The following TRIM6 variants were observed in gnomAD, a reference collection of about 807,000 sequenced individuals.
TRIM6 encodes the protein tripartite motif-containing protein 6.
TRIM6 carries 43 observed loss-of-function variants against 51.2 expected under a neutral mutation model. The observed-to-expected ratio is 0.84, with a 90% CI of 0.66 to 1.08. TRIM6 has a LOEUF of 1.08. TRIM6 is among the 50% of genes least tolerant of loss of function. The probability of loss-of-function intolerance (pLI) is 0.00; values close to 1 mark genes in which losing one functional copy is unlikely to be tolerated. For synonymous variants in TRIM6, 215 were observed against 232.4 expected, an observed-to-expected ratio of 0.93 and a Z score of 0.68; for missense variants, 669 against 619.0, an observed-to-expected ratio of 1.08 and a Z score of -0.86.
At chr11:5,601,326 T>G (rs1315468419) in intron 1 of TRIM6, among the ~76,000 whole-genome samples, 1 of 152,272 alleles carries the variant, frequency 6.6e-6, no homozygotes, top group Admixed American at 6.5e-5. Flanking sequence ...CATGATTGTG[T>G]AAAGTCACTT....
intron 5 of TRIM6, among the ~76,000 whole-genome samples, chr11:5,609,687 C>A (rs1848449370): frequency 6.6e-6 from 1 of 152,098 alleles, no homozygotes; most frequent in Non-Finnish European, 1.5e-5. Context: ...CTTTGGGAGG[C>A]TGAGGAGGGC....
intron 1 of TRIM6, among the ~76,000 whole-genome samples, chr11:5,601,630 C>T (rs1847857885): frequency 6.6e-6 from 1 of 152,092 alleles, no homozygotes; most frequent in Non-Finnish European, 1.5e-5. Context: ...TGGTGGCGCT[C>T]ACCTGTAATC....
At position 5,611,010 on chromosome 11, in the gene TRIM6, A is replaced by G. The variant is rs779364382; in HGVS notation, c.1219A>G (p.Thr407Ala). 7 of 1,614,054 alleles carry G rather than the reference A, an allele frequency of 4.3e-6. No individual in the cohort carries two copies. In the Admixed American group the frequency reaches 1.2e-4, roughly 27 times the overall value. ...LGVCSNSLGP[T>A]FSFNHFAQNH... ...GGTATGCAGCAATTCACTGGGACCT[A>G]CATTCTCTTTCAACCATTTTGCTCA... The change falls in exon 8 of 8, where the codon ACA (threonine) becomes GCA (alanine). Residue 407 changes from threonine (T) to alanine (A), a missense_variant. By Grantham distance (58) the Thr-to-Ala change is moderately conservative (BLOSUM62 0). Transcript: ENST00000380097.
At chr11:5,604,392 T>A (rs1848076118) in intron 2 of TRIM6, 142 bp from the exon 3 acceptor site, 16 of 821,814 alleles carry the variant, frequency 1.9e-5, no homozygotes, top group Non-Finnish European at 2.9e-5. Context: ...TATAAAAGAT[T>A]TGTTGGCCCT....
intron 1 of TRIM6, among the ~76,000 whole-genome samples, chr11:5,602,186 G>T (rs138326339): frequency 6.6e-6 from 1 of 151,876 alleles, no homozygotes; most frequent in East Asian, 1.9e-4. Context: ...CATGCCTGTA[G>T]TCCCAACCCT....
intron 4 of TRIM6, 91 bp downstream of exon 4, chr11:5,605,658 C>A: frequency 6.9e-7 from 1 of 1,438,906 alleles, no homozygotes; most frequent in Admixed American, 2.7e-5. Flanking sequence ...ACCATCGTTG[C>A]AGGGACAAGA....
intron 2 of TRIM6, 84 bp from the exon 3 acceptor site, chr11:5,604,450 G>A: frequency 7.0e-7 from 1 of 1,433,472 alleles, no homozygotes; most frequent in Non-Finnish European, 9.3e-7. Context: ...GAGGTTAGCA[G>A]AATCTCTGTC....
chr11:5,607,219 T>C (rs1848279003), intron 4 of TRIM6, among the ~76,000 whole-genome samples: 1 of 152,008 alleles, frequency 6.6e-6, no homozygotes, highest in Non-Finnish European at 1.5e-5. Context: ...AAAAAAATAT[T>C]TTATAGCCAA....
chr11:5,610,161 C>T lies in TRIM6; in HGVS notation c.874C>T (p.Leu292=), dbSNP rs933848710. The change falls in exon 6 of 8, where the codon CTG becomes TTG. Residue 292 remains leucine, a synonymous_variant. Transcript: ENST00000380097. Reference sequence around the variant, plus strand: ...CCTTTCTAGGAGTGAGTTCTGGACCCTGAGGAAGCCAGAAGCTCTCCCTAC... The same window carrying T: ...CCTTTCTAGGAGTGAGTTCTGGACCTTGAGGAAGCCAGAAGCTCTCCCTAC... The part of the protein sequence containing the change: ...DVTERSEFWT[L]RKPEALPTKL... 1 of 1,614,066 alleles carries T rather than the reference C, an allele frequency of 6.2e-7. No homozygotes were observed. The highest frequency in any genetic ancestry group is 8.5e-7 in the Non-Finnish European group (1 of 1,180,014).
intron 1 of TRIM6, among the ~76,000 whole-genome samples, chr11:5,599,383 A>ATATTTATTTATTTATT (rs60859015): frequency 0.073 from 10,736 of 146,868 alleles, 485 homozygotes; most frequent in Middle Eastern, 0.16. Context: ...TACAATTATT[A>ATATTTATTTATTTATT]TATTTATTTA....
rs1847977076 is a variant in TRIM6, at chr11:5,603,246, G to T, written c.18G>T (p.Arg6Ser). The change falls in exon 2 of 8, where the codon AGG becomes AGT. Residue 6 changes from arginine (R) to serine (S), a missense_variant and splice_region_variant. Arg to Ser is a moderately radical substitution (Grantham distance 110, BLOSUM62 -1). Coordinates refer to ENST00000380097, the MANE Select transcript of TRIM6 (RefSeq NM_001003818.3). ...TTTTTTTGTTTGTTCATCTACCTAG[G>T]ATTCTACAGGCAGGAAACATCTTAG... Reference protein sequence around the residue: MCGSERILQAGNILEI... With the variant: MCGSESILQAGNILEI... 7 of 1,612,748 alleles carry T rather than the reference G, an allele frequency of 4.3e-6. No homozygotes were observed. The highest frequency in any genetic ancestry group is 4.2e-6 in the Non-Finnish European group (5 of 1,179,358).
At chr11:5,604,676 A>G in intron 3 of TRIM6, 47 bp downstream of exon 3, 1 of 1,585,692 alleles carries the variant, frequency 6.3e-7, no homozygotes, top group Non-Finnish European at 8.6e-7. Context: ...GAATCATGGC[A>G]GGTCATAGGA....
chr11:5,605,387 G>T lies in TRIM6; in HGVS notation c.654G>T (p.Leu218=). The change falls in exon 4 of 8, where the codon CTG becomes CTT. Residue 218 remains leucine, a synonymous_variant. Coordinates refer to ENST00000380097, the MANE Select transcript of TRIM6 (RefSeq NM_001003818.3). ...RCRIQTEFNQ[L]RNILDRVEQR... ...GGATCCAGACAGAGTTTAATCAGCT[G>T]CGAAATATCCTAGACAGAGTGGAGC... The T allele has an allele frequency of 6.2e-7, 1 of 1,614,152 alleles. No individual in the cohort carries two copies. The highest frequency in any genetic ancestry group is 8.5e-7 in the Non-Finnish European group (1 of 1,180,028).
At chr11:5,610,114 T>C in intron 5 of TRIM6, 31 bp from the exon 6 acceptor site, 1 of 1,612,586 alleles carries the variant, frequency 6.2e-7, no homozygotes, top group Non-Finnish European at 8.5e-7. Context: ...CAGTCAGCAG[T>C]GTGGGAACTC....
Position 5,610,215 on chromosome 11 carries a change from G to T in TRIM6, c.928G>T (p.Asp310Tyr). The T allele has an allele frequency of 6.2e-7, 1 of 1,614,132 alleles. No homozygotes were observed. The highest frequency in any genetic ancestry group is 2.2e-5 in the East Asian group (1 of 44,876). Residue 310 changes from aspartate (D) to tyrosine (Y), a missense_variant, in exon 6 of 8, where the codon GAT (aspartate) becomes TAT (tyrosine). Physicochemically the swap from Asp to Tyr is radical, Grantham distance 160. Coordinates refer to ENST00000380097, the MANE Select transcript of TRIM6 (RefSeq NM_001003818.3). ...TKLRSMFRAP[D>Y]LKRMLRVCRE... ...GCTGAGAAGTATGTTCCGAGCCCCA[G>T]ATCTGAAAAGGATGCTGCGAGTGTG...
intron 1 of TRIM6, among the ~76,000 whole-genome samples, chr11:5,599,400 T>C (rs1304554117): frequency 6.6e-6 from 1 of 151,126 alleles, no homozygotes; most frequent in African/African-American, 2.4e-5. Context: ...TTTATTTATT[T>C]ATTTATTTAT....
At position 5,611,639 on chromosome 11, in the gene TRIM6, G is replaced by C. The variant is rs1848582686; in HGVS notation, c.*297G>C. The C allele has an allele frequency of 1.0e-5, 3 of 296,170 alleles. No individual in the cohort carries two copies. Among genetic ancestry groups the C allele is most frequent in the African/African-American group, 2.2e-5 (1 of 46,322 alleles). 18.3% of individuals were successfully genotyped at this position (296,170 alleles called of 1,614,324 possible). ...CAACTAATTTTTGTATTTTTATAGA[G>C]ATAGGGTTTCACCGTGTTGGCCAGG... On this transcript the variant is annotated 3_prime_UTR_variant, in exon 8 of 8. Coordinates refer to ENST00000380097, the MANE Select transcript of TRIM6 (RefSeq NM_001003818.3).
At chr11:5,602,746 G>T (rs1234333908) in intron 1 of TRIM6, among the ~76,000 whole-genome samples, 1 of 151,556 alleles carries the variant, frequency 6.6e-6, no homozygotes, top group Non-Finnish European at 1.5e-5. Flanking sequence ...TTAAGGTCAG[G>T]AGTTCAAGAC....
chr11:5,611,985 CTA>C lies in TRIM6; in HGVS notation c.*645_*646del, dbSNP rs1411304492. 1 of 152,080 alleles carries C rather than the reference CTA, an allele frequency of 6.6e-6. No homozygotes were observed. Among genetic ancestry groups the C allele is most frequent in the African/African-American group, 2.4e-5 (1 of 41,416 alleles). 9.4% of individuals were successfully genotyped at this position (152,080 alleles called of 1,614,324 possible). On this transcript the variant is annotated 3_prime_UTR_variant, in exon 8 of 8. Transcript: ENST00000380097. ...TATAAAATGAAAACTCGTATTCTAC[CTA>C]TGTCTTTTCTGTAAATTATTGAGAC...
Sources: allele counts gnomAD v4.1 joint callset (sites outside exome capture counted in the v4.1 genomes callset), GRCh38; gene constraint gnomAD v4.1.1; transcripts MANE v1.5; gene names NCBI Gene and HGNC (gene_info 2026-07-23, HGNC 2026-07-21).